Variants in COLGALT2 observed in about 807,000 individuals in gnomAD.
COLGALT2 encodes procollagen galactosyltransferase 2.
In COLGALT2, 49 loss-of-function variants were observed where a neutral mutation model predicts 73.4. The observed-to-expected ratio is 0.67, with a 90% CI of 0.53 to 0.85. The LOEUF (loss-of-function observed/expected upper bound fraction) is 0.85. Among genes scored for constraint, COLGALT2 ranks in the 40% least tolerant of loss-of-function variants. The probability of loss-of-function intolerance (pLI) is 0.00; values close to 1 mark genes in which losing one functional copy is unlikely to be tolerated. For missense variants in COLGALT2, 722 were observed against 790.2 expected, an observed-to-expected ratio of 0.91 and a Z score of 1.03; for synonymous variants, 295 against 307.6, an observed-to-expected ratio of 0.96 and a Z score of 0.43.
chr1:184,037,000 T>A (rs1287168967), intron 1 of COLGALT2, 95 bp downstream of exon 1: 1 of 1,083,374 alleles, frequency 9.2e-7, no homozygotes, highest in Non-Finnish European at 1.2e-6. Flanking sequence ...CTCCAGCGGC[T>A]CCCTCGCCCT....
At chr1:183,958,275 C>G (rs1274274039) in intron 6 of COLGALT2, among the ~76,000 whole-genome samples, 3 of 152,100 alleles carry the variant, frequency 2.0e-5, no homozygotes, top group South Asian at 2.1e-4. Flanking sequence ...CTGACCATCC[C>G]CTTCACAAGA....
intron 1 of COLGALT2, among the ~76,000 whole-genome samples, chr1:184,024,699 C>T (rs187839971): frequency 1.2e-4 from 18 of 149,264 alleles, no homozygotes; most frequent in South Asian, 6.4e-4. Flanking sequence ...AATTAGGCTC[C>T]GTTCTCTAAA....
At chr1:183,979,665 G>A (rs1340399238) in intron 1 of COLGALT2, among the ~76,000 whole-genome samples, 1 of 152,046 alleles carries the variant, frequency 6.6e-6, no homozygotes, top group Non-Finnish European at 1.5e-5. Context: ...GCAGTCTGTA[G>A]GCTATAATTT....
chr1:184,018,320 T>C (rs2102852969), intron 1 of COLGALT2, among the ~76,000 whole-genome samples: 1 of 152,238 alleles, frequency 6.6e-6, no homozygotes, highest in Non-Finnish European at 1.5e-5. Context: ...ACAGATGGAA[T>C]ACCACCTCTT....
intron 1 of COLGALT2, among the ~76,000 whole-genome samples, chr1:183,979,141 T>C (rs1671283543): frequency 6.6e-6 from 1 of 152,198 alleles, no homozygotes; most frequent in East Asian, 1.9e-4. Context: ...CTTTAAATAA[T>C]GTACACAAAA....
intron 6 of COLGALT2, among the ~76,000 whole-genome samples, chr1:183,961,930 G>A (rs1371264405): frequency 6.6e-6 from 1 of 152,078 alleles, no homozygotes; most frequent in Non-Finnish European, 1.5e-5. Context: ...CAGTGAACCA[G>A]CTCCTTATTT....
Position 184,037,659 on chromosome 1 carries a change from G to A in COLGALT2, c.-302C>T, listed in dbSNP as rs1649740461. On this transcript the variant is annotated 5_prime_UTR_variant, in exon 1 of 12. Coordinates refer to ENST00000361927, the MANE Select transcript of COLGALT2 (RefSeq NM_015101.4). Reference sequence around the variant, plus strand: ...GGGGCTGTGTGCCCTGAGTCCTGAGGAAAGTTCCTCTAGTCCAGGTTCCGC... The same window carrying A: ...GGGGCTGTGTGCCCTGAGTCCTGAGAAAAGTTCCTCTAGTCCAGGTTCCGC... The A allele has an allele frequency of 9.7e-7, 1 of 1,032,146 alleles. No individual in the cohort carries two copies. Among genetic ancestry groups the A allele is most frequent in the African/African-American group, 1.7e-5 (1 of 58,628 alleles). The allele number at this position is 1,032,146 out of a possible 1,614,324, so 63.9% of individuals were successfully genotyped here. A position where few individuals can be genotyped will look rare whatever the true frequency, so the allele number is the denominator to read the frequency against.
chr1:183,939,774 C>A (rs1472044484), intron 11 of COLGALT2, among the ~76,000 whole-genome samples: 2 of 152,120 alleles, frequency 1.3e-5, no homozygotes, highest in African/African-American at 4.8e-5. Flanking sequence ...CGAGATCACC[C>A]AGCAACTGAG....
intron 5 of COLGALT2, among the ~76,000 whole-genome samples, chr1:183,965,414 T>C (rs927053247): frequency 6.6e-6 from 1 of 152,098 alleles, no homozygotes; most frequent in African/African-American, 2.4e-5. Flanking sequence ...CCATAATATA[T>C]TTACTTGCCA....
chr1:183,940,240 A>G (rs1482125731), intron 11 of COLGALT2, among the ~76,000 whole-genome samples: 1 of 152,214 alleles, frequency 6.6e-6, no homozygotes, highest in Non-Finnish European at 1.5e-5. Flanking sequence ...GGAACTGGAA[A>G]TTTTGAGGTG....
Position 183,973,824 on chromosome 1 carries a change from C to A in COLGALT2, c.493-74G>T, listed in dbSNP as rs994395057. The A allele has an allele frequency of 9.9e-6, 14 of 1,416,978 alleles. No homozygotes were observed. The African/African-American group carries it at 1.6e-4, about 16-fold the overall frequency. The allele number at this position is 1,416,978 out of a possible 1,614,324, so 87.8% of individuals were successfully genotyped here. On this transcript the variant is annotated intron_variant, in intron 3 of 11. Coordinates refer to ENST00000361927, the MANE Select transcript of COLGALT2 (RefSeq NM_015101.4). Reference sequence around the variant, plus strand: ...TGAGTTTGAGAATAACCCAGCCCTTCTGAAGGATCCCAGAAACTTGCTCAT... The same window carrying A: ...TGAGTTTGAGAATAACCCAGCCCTTATGAAGGATCCCAGAAACTTGCTCAT...
chr1:183,945,055 G>A (rs924012148), intron 9 of COLGALT2, among the ~76,000 whole-genome samples: 23 of 152,056 alleles, frequency 1.5e-4, no homozygotes, highest in East Asian at 3.9e-4. Flanking sequence ...TTTCTTCTTC[G>A]GTAAAGGTGG....
chr1:184,016,928 ATAATT>A (rs1649020252), intron 1 of COLGALT2, among the ~76,000 whole-genome samples: 2 of 152,226 alleles, frequency 1.3e-5, no homozygotes, highest in African/African-American at 4.8e-5. Context: ...GAAAAGCAAT[ATAATT>A]TAGTCTTCCC....
intron 11 of COLGALT2, 33 bp downstream of exon 11, chr1:183,940,548 C>T: frequency 6.3e-7 from 1 of 1,597,168 alleles, no homozygotes; most frequent in South Asian, 1.1e-5. Context: ...GAGGCTGTGC[C>T]CAAGGGAAGG....
At chr1:184,013,469 T>C (rs1229896359) in intron 1 of COLGALT2, among the ~76,000 whole-genome samples, 1 of 152,084 alleles carries the variant, frequency 6.6e-6, no homozygotes, top group Non-Finnish European at 1.5e-5. Context: ...AGAGGTAGTC[T>C]GAATCTAAAA....
chr1:183,961,848 G>C (rs1670710583), intron 6 of COLGALT2, among the ~76,000 whole-genome samples: 1 of 152,194 alleles, frequency 6.6e-6, no homozygotes, highest in Non-Finnish European at 1.5e-5. Flanking sequence ...CATAGGGAAA[G>C]TGGCAGAAAA....
chr1:183,992,468 TC>T (rs1671654480), intron 1 of COLGALT2, among the ~76,000 whole-genome samples: 1 of 152,122 alleles, frequency 6.6e-6, no homozygotes, highest in Non-Finnish European at 1.5e-5. Flanking sequence ...CAGCTTAGAG[TC>T]CCCATGGGTC....
chr1:183,951,355 T>C (rs1339316654), intron 7 of COLGALT2, among the ~76,000 whole-genome samples: 4 of 152,210 alleles, frequency 2.6e-5, no homozygotes, highest in East Asian at 1.9e-4. Flanking sequence ...CTGATGTTCA[T>C]TGATAAATAT....
Position 183,973,744 on chromosome 1 carries a change from C to T in COLGALT2, c.499G>A (p.Asp167Asn). 1 of 1,613,298 alleles carries T rather than the reference C, an allele frequency of 6.2e-7. No individual in the cohort carries two copies. ...EKWSDYILFI[D>N]VDNFLTNPQT... is the part of the protein sequence containing the mutation. Reference sequence around the variant, plus strand: ...GGATTAGTCAGGAAATTGTCAACATCTATGAACTAGGAAAAGAAAAGGATA... The same window carrying T: ...GGATTAGTCAGGAAATTGTCAACATTTATGAACTAGGAAAAGAAAAGGATA... Residue 167 changes from aspartate (D) to asparagine (N), a missense_variant, in exon 4 of 12, where the codon GAT becomes AAT. Asp to Asn is a conservative substitution (Grantham distance 23). Coordinates refer to ENST00000361927, the MANE Select transcript of COLGALT2 (RefSeq NM_015101.4).
Sources: gnomAD v4.1 joint callset for allele counts (sites outside exome capture counted in the v4.1 genomes callset) on GRCh38, gnomAD v4.1.1 for gene constraint, MANE v1.5 for transcripts, NCBI Gene and HGNC (gene_info 2026-07-23, HGNC 2026-07-21) for gene names.